The following ASTN1 variants were observed in gnomAD, a reference collection of about 807,000 sequenced individuals.
ASTN1 encodes astrotactin 1.
In ASTN1, 41 loss-of-function variants were observed where a neutral mutation model predicts 140.7. That is an observed-to-expected ratio of 0.29 (90% CI 0.23 to 0.38). ASTN1 has a LOEUF of 0.38. ASTN1 is among the 10% of genes least tolerant of loss of function. The pLI, the probability that ASTN1 is intolerant of heterozygous loss-of-function variation, is 1.00. For synonymous variants in ASTN1, 640 were observed against 652.2 expected (o/e 0.98, Z 0.29); for missense variants, 1,479 against 1,678.8 (o/e 0.88, Z 2.08).
At chr1:177,016,076 C>G (rs896100404) in intron 7 of ASTN1, among the ~76,000 whole-genome samples, 1 of 152,162 alleles carries the variant, frequency 6.6e-6, no homozygotes, top group African/African-American at 2.4e-5. Context: ...GCTATTTTCT[C>G]TTTTCTGAAG....
intron 16 of ASTN1, among the ~76,000 whole-genome samples, chr1:176,926,052 C>T (rs1346431551): frequency 6.6e-6 from 1 of 152,106 alleles, no homozygotes; most frequent in Non-Finnish European, 1.5e-5. Context: ...CCTGATCTGT[C>T]CGCCTTGGCC....
chr1:177,113,133 C>T (rs77599300), intron 1 of ASTN1, among the ~76,000 whole-genome samples: 6,484 of 152,232 alleles, frequency 0.043, 198 homozygotes, highest in Non-Finnish European at 0.054. Flanking sequence ...CTGAAAACTG[C>T]CTCTCATGAA....
At chr1:176,882,804 A>G (rs1005824157) in intron 20 of ASTN1, 55 bp downstream of exon 20, 2 of 1,605,450 alleles carry the variant, frequency 1.2e-6, no homozygotes, top group African/African-American at 2.7e-5. Context: ...GAAACCGGTA[A>G]GAAGCCTTGG....
intron 8 of ASTN1, among the ~76,000 whole-genome samples, chr1:177,007,043 TACCAGCTATGTG>T (rs1675034477): frequency 6.6e-6 from 1 of 152,216 alleles, no homozygotes; most frequent in Non-Finnish European, 1.5e-5. Context: ...GAAGCTTGAC[TACCAGCTATGTG>T]ACCTTGGGCA....
At chr1:176,972,205 A>G (rs1186859541) in intron 8 of ASTN1, among the ~76,000 whole-genome samples, 15 of 152,214 alleles carry the variant, frequency 9.9e-5, no homozygotes, top group Admixed American at 8.5e-4. Flanking sequence ...ATTGTTGACT[A>G]AAATGTCATT....
intron 8 of ASTN1, among the ~76,000 whole-genome samples, chr1:177,000,763 T>C (rs996754405): frequency 2.6e-5 from 4 of 152,230 alleles, no homozygotes; most frequent in African/African-American, 9.6e-5. Context: ...TCTAAGAATC[T>C]GCATTACAAT....
intron 8 of ASTN1, among the ~76,000 whole-genome samples, chr1:176,973,602 C>G (rs969005878): frequency 6.6e-6 from 1 of 152,148 alleles, no homozygotes; most frequent in African/African-American, 2.4e-5. Context: ...TTCACTCTCC[C>G]TTTCTCCAGA....
chr1:176,882,914 G>T lies in ASTN1; in HGVS notation c.3307C>A (p.Gln1103Lys). 1 of 1,614,164 alleles carries T rather than the reference G, an allele frequency of 6.2e-7. No homozygotes were observed. Among genetic ancestry groups the T allele is most frequent in the South Asian group, 1.1e-5 (1 of 91,080 alleles). ...CAMPSQVPDK[Q>K]LTTISLIIRC... Reference sequence around the variant, plus strand: ...ATGATCAGAGAGATGGTGGTGAGCTGCTTGTCCGGCACCTGAGATGGCATT... The same window carrying T: ...ATGATCAGAGAGATGGTGGTGAGCTTCTTGTCCGGCACCTGAGATGGCATT... Residue 1103 changes from glutamine to lysine, a missense_variant, in exon 20 of 23, where the codon CAG (glutamine) becomes AAG (lysine). Gln to Lys is a moderately conservative substitution (Grantham distance 53). Transcript: ENST00000361833.
intron 16 of ASTN1, among the ~76,000 whole-genome samples, chr1:176,915,658 T>C (rs1670448249): frequency 6.6e-6 from 1 of 152,128 alleles, no homozygotes; most frequent in African/African-American, 2.4e-5. Context: ...TCTCCCTTTG[T>C]TCCCCAGAAC....
chr1:176,861,849 A>T lies in ASTN1; in HGVS notation c.*2435T>A. The T allele has an allele frequency of 1.0e-6, 1 of 985,362 alleles. No homozygotes were observed. The highest frequency in any genetic ancestry group is 1.2e-6 in the Non-Finnish European group (1 of 829,884). The allele number at this position is 985,362 out of a possible 1,614,324, so 61.0% of individuals were successfully genotyped here. A position where few individuals can be genotyped will look rare whatever the true frequency, so the allele number is the denominator to read the frequency against. On this transcript the variant is annotated 3_prime_UTR_variant, in exon 23 of 23. Transcript: ENST00000361833. ...GTAGAGGAACTTGGGAGACTGAGGGAAAGATAGGAGAGAGGAAGATAGTGT... is the reference window on the plus strand; with the variant it reads ...GTAGAGGAACTTGGGAGACTGAGGGTAAGATAGGAGAGAGGAAGATAGTGT...
intron 2 of ASTN1, among the ~76,000 whole-genome samples, chr1:177,054,723 C>T (rs1478634684): frequency 6.6e-6 from 1 of 152,176 alleles, no homozygotes; most frequent in African/African-American, 2.4e-5. Context: ...CACTGTGAAG[C>T]TGTGAAAAGT....
At chr1:176,926,190 T>C (rs1670960680) in intron 16 of ASTN1, among the ~76,000 whole-genome samples, 1 of 151,968 alleles carries the variant, frequency 6.6e-6, no homozygotes, top group South Asian at 2.1e-4. Context: ...TATTATTATT[T>C]CGTTATCTAT....
At chr1:177,015,242 A>G (rs1675490258) in intron 7 of ASTN1, among the ~76,000 whole-genome samples, 1 of 152,236 alleles carries the variant, frequency 6.6e-6, no homozygotes. Flanking sequence ...ATGAATAATA[A>G]TGTTTAAAGA....
intron 11 of ASTN1, 24 bp from the exon 12 acceptor site, chr1:176,949,375 C>T: frequency 6.9e-6 from 11 of 1,602,762 alleles, no homozygotes; most frequent in Non-Finnish European, 9.4e-6. Context: ...AAAACATCCA[C>T]ATACGTGGGT....
intron 16 of ASTN1, among the ~76,000 whole-genome samples, chr1:176,923,449 C>T (rs556719690): frequency 1.1e-4 from 16 of 152,234 alleles, no homozygotes; most frequent in African/African-American, 3.9e-4. Context: ...CAACATGTTG[C>T]CTTAGAGTAG....
intron 1 of ASTN1, among the ~76,000 whole-genome samples, chr1:177,130,899 A>G (rs1413881574): frequency 6.6e-6 from 1 of 152,230 alleles, no homozygotes; most frequent in Admixed American, 6.5e-5. Context: ...CTTGAGAAGG[A>G]GAAAGCTTTA....
intron 16 of ASTN1, among the ~76,000 whole-genome samples, chr1:176,896,477 G>T (rs1669510856): frequency 6.6e-6 from 1 of 152,090 alleles, no homozygotes; most frequent in Admixed American, 6.5e-5. Flanking sequence ...TTGCAAAGTG[G>T]CCACAAGCTG....
At chr1:177,009,167 A>G (rs1361836728) in intron 8 of ASTN1, among the ~76,000 whole-genome samples, 1 of 152,182 alleles carries the variant, frequency 6.6e-6, no homozygotes, top group African/African-American at 2.4e-5. Flanking sequence ...CTAAGCATTT[A>G]CACTTTGATG....
intron 17 of ASTN1, among the ~76,000 whole-genome samples, chr1:176,893,135 T>A (rs1291988755): frequency 1.3e-5 from 2 of 152,174 alleles, no homozygotes; most frequent in Non-Finnish European, 2.9e-5. Context: ...CTCTCTCATC[T>A]CCCAGCATGC....
Sources: gnomAD v4.1 joint callset for allele counts (sites outside exome capture counted in the v4.1 genomes callset) on GRCh38, gnomAD v4.1.1 for gene constraint, MANE v1.5 for transcripts, NCBI Gene and HGNC (gene_info 2026-07-23, HGNC 2026-07-21) for gene names.